The following GLT8D2 variants were observed in gnomAD, a reference collection of about 807,000 sequenced individuals.
GLT8D2 encodes the protein glycosyltransferase 8 domain-containing protein 2.
In GLT8D2, 45 loss-of-function variants were observed where a neutral mutation model predicts 44.5. That is an observed-to-expected ratio of 1.01 (90% CI 0.80 to 1.30). The LOEUF (loss-of-function observed/expected upper bound fraction) is 1.30, where lower values mean the gene tolerates loss of function less well. GLT8D2 is among the 50% of genes most tolerant of loss of function. The pLI is 0.00. For missense variants in GLT8D2, 400 were observed against 430.4 expected, an observed-to-expected ratio of 0.93 and a Z score of 0.62; for synonymous variants, 156 against 157.2, an observed-to-expected ratio of 0.99 and a Z score of 0.06.
intron 1 of GLT8D2, among the ~76,000 whole-genome samples, chr12:104,033,731 T>C (rs1879599550): frequency 6.6e-6 from 1 of 152,172 alleles, no homozygotes; most frequent in African/African-American, 2.4e-5. Context: ...CATTTCACAA[T>C]GTGTATATTA....
intron 8 of GLT8D2, among the ~76,000 whole-genome samples, chr12:103,995,102 C>T (rs1247352921): frequency 2.0e-5 from 3 of 152,186 alleles, no homozygotes; most frequent in African/African-American, 7.2e-5. Context: ...GCCACTACTA[C>T]CACACTGCTA....
At chr12:104,027,585 TG>T (rs1878732810) in intron 1 of GLT8D2, among the ~76,000 whole-genome samples, 1 of 152,250 alleles carries the variant, frequency 6.6e-6, no homozygotes, top group Non-Finnish European at 1.5e-5. Flanking sequence ...TGTGTGAATA[TG>T]GGGAGCAGTT....
chr12:104,052,667 C>T (rs1224529381), upstream of GLT8D2, among the ~76,000 whole-genome samples: 1 of 152,156 alleles, frequency 6.6e-6, no homozygotes, highest in Non-Finnish European at 1.5e-5. Flanking sequence ...AAATCCCTCA[C>T]ACAATCCAGC....
At chr12:104,045,425 C>G (rs946382648) in intron 1 of GLT8D2, among the ~76,000 whole-genome samples, 1 of 151,978 alleles carries the variant, frequency 6.6e-6, no homozygotes, top group Non-Finnish European at 1.5e-5. Flanking sequence ...TCAGGACAGA[C>G]AGAGAGGTGG....
At chr12:104,038,741 A>G (rs1325570783) in intron 1 of GLT8D2, among the ~76,000 whole-genome samples, 4 of 152,226 alleles carry the variant, frequency 2.6e-5, no homozygotes, top group Admixed American at 1.3e-4. Context: ...TATAGATTCA[A>G]TGCCATCCCC....
intron 3 of GLT8D2, among the ~76,000 whole-genome samples, chr12:104,018,539 A>G (rs893631790): frequency 6.6e-6 from 1 of 152,166 alleles, no homozygotes; most frequent in African/African-American, 2.4e-5. Context: ...TGGACAGAAA[A>G]TGGACAAAAT....
chr12:104,040,306 T>G (rs919568299), intron 1 of GLT8D2, among the ~76,000 whole-genome samples: 1 of 152,086 alleles, frequency 6.6e-6, no homozygotes, highest in African/African-American at 2.4e-5. Flanking sequence ...AATAAAAAAA[T>G]TATTTATGCC....
At position 103,994,445 on chromosome 12, in the gene GLT8D2, G is replaced by A; in HGVS notation, c.657C>T (p.Ile219=). ...GATTGAAAGAGCAGGTGCTGGGGCT[G>A]ATGCCAAGGTCCTTGATGGCCTTCT... ...YRKKAIKDLG[I]SPSTCSFNPG... is the part of the protein sequence containing the mutation. Residue 219 remains isoleucine, a synonymous_variant, in exon 9 of 11, where the codon ATC becomes ATT. Transcript: ENST00000360814. 1.2e-6 allele frequency: 2 copies of A among 1,614,130 alleles called. No homozygotes were observed. The highest frequency in any genetic ancestry group is 1.7e-6 in the Non-Finnish European group (2 of 1,179,972).
rs376728289 is a variant in GLT8D2, at chr12:103,996,869, A to T, written c.488-22T>A. ...TCACCTGAATTTAGAAACACCACCA[A>T]GTAAAACATTATAGCATTTGTTTTT... On this transcript the variant is annotated intron_variant, in intron 7 of 10. Transcript: ENST00000360814. 1.0e-5 allele frequency: 16 copies of T among 1,538,158 alleles called. 1 individual carries two copies. In the African/African-American group the frequency reaches 2.2e-4, roughly 21 times the overall value.
chr12:104,060,695 G>A (rs985499025), intron 1 of GLT8D2, among the ~76,000 whole-genome samples: 1 of 152,140 alleles, frequency 6.6e-6, no homozygotes, highest in African/African-American at 2.4e-5. Context: ...GGCTGATGCA[G>A]GAGGATTGCT....
At chr12:104,060,884 T>C (rs1039631852) in intron 1 of GLT8D2, among the ~76,000 whole-genome samples, 3 of 151,728 alleles carry the variant, frequency 2.0e-5, no homozygotes, top group Non-Finnish European at 4.4e-5. Flanking sequence ...GATCGCACCA[T>C]TGCACTCCAA....
At chr12:104,012,751 C>T (rs1190298599) in intron 4 of GLT8D2, 3 of 689,892 alleles carry the variant, frequency 4.3e-6, no homozygotes, top group Non-Finnish European at 7.9e-6. Context: ...TGTCCATGCA[C>T]TTAATTGCCT....
rs373725960 is a variant in GLT8D2, at chr12:104,023,246, T to C, written c.-163-1755A>G. Among the ~76,000 whole-genome samples the C allele has an allele frequency of 9.8e-5, 15 of 152,314 alleles. No individual in the cohort carries two copies. The South Asian group carries it at 2.9e-3, about 29-fold the overall frequency. Reference sequence around the variant, plus strand: ...CAAACCACCATGGCACACACTTAACTATGTAACAAACCTGCACATTCTGCA... The same window carrying C: ...CAAACCACCATGGCACACACTTAACCATGTAACAAACCTGCACATTCTGCA... On this transcript the variant is annotated intron_variant, in intron 1 of 10. Coordinates refer to ENST00000360814, the MANE Select transcript of GLT8D2 (RefSeq NM_001384711.1).
In GLT8D2 at chr12:103,997,441, G is replaced by A. The variant is rs1054469900; in HGVS notation, c.487+10C>T. 11 of 1,591,828 alleles carry A rather than the reference G, an allele frequency of 6.9e-6. No homozygotes were observed. The African/African-American group carries it at 1.2e-4, about 17-fold the overall frequency. Reference sequence around the variant, plus strand: ...CTTTTCCAAGTGTTCTTGGCAGTTAGCGAGAGTACCTTGTACAATTACATC... The same window carrying A: ...CTTTTCCAAGTGTTCTTGGCAGTTAACGAGAGTACCTTGTACAATTACATC... On this transcript the variant is annotated intron_variant, in intron 7 of 10. Coordinates refer to ENST00000360814, the MANE Select transcript of GLT8D2 (RefSeq NM_001384711.1).
At chr12:104,012,185 A>ATATATATATAT (rs1457476166) in intron 4 of GLT8D2, among the ~76,000 whole-genome samples, 7 of 86,084 alleles carry the variant, frequency 8.1e-5, no homozygotes, top group South Asian at 3.5e-4. Context: ...AAAAAAAAAA[A>ATATATATATAT]AAAAATATAT....
upstream of GLT8D2, among the ~76,000 whole-genome samples, chr12:104,054,754 G>A (rs1304227526): frequency 1.3e-5 from 2 of 152,036 alleles, no homozygotes; most frequent in Non-Finnish European, 2.9e-5. Flanking sequence ...GCTCTTTGGT[G>A]TCTTTTGCCC....
intron 1 of GLT8D2, among the ~76,000 whole-genome samples, chr12:104,023,024 AT>A (rs1878113878): frequency 2.6e-5 from 4 of 152,274 alleles, no homozygotes; most frequent in African/African-American, 9.6e-5. Context: ...CATGAGAACT[AT>A]TTTTCTGCCA....
chr12:104,048,618 G>T (rs1431855282), intron 1 of GLT8D2, among the ~76,000 whole-genome samples: 1 of 152,176 alleles, frequency 6.6e-6, no homozygotes, highest in Admixed American at 6.5e-5. Context: ...AGAAAGAGAG[G>T]TGTCTGAAGG....
intron 4 of GLT8D2, among the ~76,000 whole-genome samples, chr12:104,008,897 A>T (rs1221992393): frequency 6.6e-6 from 1 of 152,230 alleles, no homozygotes; most frequent in Admixed American, 6.5e-5. Flanking sequence ...TGAGCCTGTG[A>T]GTGCACAGAA....
Sources: allele counts gnomAD v4.1 joint callset (sites outside exome capture counted in the v4.1 genomes callset), GRCh38; gene constraint gnomAD v4.1.1; transcripts MANE v1.5; gene names NCBI Gene and HGNC (gene_info 2026-07-23, HGNC 2026-07-21).